The following GALNTL6 variants were observed in gnomAD, a reference collection of about 807,000 sequenced individuals.
GALNTL6 encodes polypeptide N-acetylgalactosaminyltransferase like 6.
A neutral mutation model predicts 73.7 loss-of-function variants in GALNTL6; 46 were observed. That is an observed-to-expected ratio of 0.62 (90% CI 0.49 to 0.80). The LOEUF is 0.80. Among genes scored for constraint, GALNTL6 ranks in the 30% least tolerant of loss-of-function variants. The pLI, the probability that GALNTL6 is intolerant of heterozygous loss-of-function variation, is 0.00. For missense variants in GALNTL6, 604 were observed against 755.0 expected (o/e 0.80, Z 2.34); for synonymous variants, 259 against 263.7 (o/e 0.98, Z 0.17).
chr4:171,967,304 G>A (rs545046420), intron 2 of GALNTL6, among the ~76,000 whole-genome samples: 5 of 152,270 alleles, frequency 3.3e-5, no homozygotes, highest in African/African-American at 7.2e-5. Flanking sequence ...GTAAACGATG[G>A]ATCATGGCCT....
At chr4:172,631,494 CAAT>C (rs1314164939) in intron 5 of GALNTL6, among the ~76,000 whole-genome samples, 1 of 152,146 alleles carries the variant, frequency 6.6e-6, no homozygotes, top group Non-Finnish European at 1.5e-5. Flanking sequence ...ATTTTCATTA[CAAT>C]AATATCAGTT....
intron 5 of GALNTL6, among the ~76,000 whole-genome samples, chr4:172,423,438 A>G (rs1030670142): frequency 1.3e-5 from 2 of 151,892 alleles, no homozygotes; most frequent in African/African-American, 4.8e-5. Flanking sequence ...CAGTCAGTAC[A>G]CTGGTGCCTT....
chr4:172,280,579 A>G (rs1168888184), intron 3 of GALNTL6, among the ~76,000 whole-genome samples: 2 of 151,948 alleles, frequency 1.3e-5, no homozygotes, highest in African/African-American at 2.4e-5. Context: ...TTAATTATAT[A>G]TATACTTTTA....
chr4:172,031,386 A>C (rs1221475292), intron 2 of GALNTL6, among the ~76,000 whole-genome samples: 1 of 152,158 alleles, frequency 6.6e-6, no homozygotes, highest in African/African-American at 2.4e-5. Flanking sequence ...AAGATAGAAA[A>C]AGGTTTTAGA....
intron 5 of GALNTL6, among the ~76,000 whole-genome samples, chr4:172,581,911 G>A (rs1737206549): frequency 6.6e-6 from 1 of 152,150 alleles, no homozygotes; most frequent in South Asian, 2.1e-4. Flanking sequence ...TCTGGAACTG[G>A]GAAGACTTGC....
intron 2 of GALNTL6, among the ~76,000 whole-genome samples, chr4:172,164,484 TTTAA>T (rs1459592022): frequency 6.6e-6 from 1 of 152,000 alleles, no homozygotes; most frequent in Non-Finnish European, 1.5e-5. Context: ...AATTATGGTT[TTTAA>T]TTAAAGATTT....
chr4:172,774,225 A>C (rs1387809090), intron 5 of GALNTL6, among the ~76,000 whole-genome samples: 1 of 152,200 alleles, frequency 6.6e-6, no homozygotes, highest in Non-Finnish European at 1.5e-5. Flanking sequence ...CATATGAATG[A>C]GGTGGTTTTA....
chr4:172,446,859 G>C (rs745696930), intron 5 of GALNTL6, among the ~76,000 whole-genome samples: 1 of 152,098 alleles, frequency 6.6e-6, no homozygotes, highest in Non-Finnish European at 1.5e-5. Flanking sequence ...TGCAACTGTG[G>C]ATGATATACT....
rs1737823185 is a variant in GALNTL6 at position 172,757,581 on chromosome 4, C to A, written c.554-51780C>A. ...TCTGTCTCAACTTCCAGTCTCTATT[C>A]CTATACAAAGTAGAAACATCAATTG... On this transcript the variant is annotated intron_variant, in intron 5 of 12. Coordinates refer to ENST00000506823, the MANE Select transcript of GALNTL6 (RefSeq NM_001034845.3). 2.6e-5 allele frequency among the ~76,000 whole-genome samples: 4 copies of A among 152,178 alleles called. No individual in the cohort carries two copies. The South Asian group carries it at 8.3e-4, about 31-fold the overall frequency.
chr4:172,423,682 T>C (rs1731129016), intron 5 of GALNTL6, among the ~76,000 whole-genome samples: 1 of 152,132 alleles, frequency 6.6e-6, no homozygotes, highest in Non-Finnish European at 1.5e-5. Context: ...TATAATTTTT[T>C]CCTCTACTTT....
intron 5 of GALNTL6, among the ~76,000 whole-genome samples, chr4:172,602,224 A>G (rs923627812): frequency 6.6e-6 from 1 of 152,274 alleles, no homozygotes; most frequent in South Asian, 2.1e-4. Flanking sequence ...ATTCTTTAGG[A>G]TGGGTGAAAA....
intron 7 of GALNTL6, among the ~76,000 whole-genome samples, chr4:172,828,206 A>T (rs553196621): frequency 6.8e-6 from 1 of 147,092 alleles, no homozygotes; most frequent in Admixed American, 7.0e-5. Context: ...TGGGAAGCAG[A>T]GGTTGCAGTC....
rs188579324 is a variant in GALNTL6, at chr4:172,635,973, G to A, written c.554-173388G>A. Among the ~76,000 whole-genome samples, 8 of 152,228 alleles carry A rather than the reference G, an allele frequency of 5.3e-5. No homozygotes were observed. The East Asian group carries it at 1.5e-3, about 29-fold the overall frequency. The stretch of plus-strand genomic sequence containing the variant: ...AAAAGCTATGGATTTCAGATTCCTT[G>A]AAATAAATTTTCAGTCCACCTTTCA... On this transcript the variant is annotated intron_variant, in intron 5 of 12. Coordinates refer to ENST00000506823, the MANE Select transcript of GALNTL6 (RefSeq NM_001034845.3).
chr4:172,212,824 C>T (rs904257184), intron 2 of GALNTL6, among the ~76,000 whole-genome samples: 11 of 152,070 alleles, frequency 7.2e-5, no homozygotes, highest in East Asian at 3.9e-4. Context: ...TGCACCACCA[C>T]GCCCGGCTAA....
At chr4:172,867,174 C>T (rs571977914) in intron 7 of GALNTL6, among the ~76,000 whole-genome samples, 2 of 152,260 alleles carry the variant, frequency 1.3e-5, no homozygotes, top group African/African-American at 2.4e-5. Flanking sequence ...AAAGAGGGTG[C>T]TATTAATCAT....
chr4:172,881,693 C>A (rs1412191241), intron 7 of GALNTL6, among the ~76,000 whole-genome samples: 1 of 152,114 alleles, frequency 6.6e-6, no homozygotes, highest in East Asian at 1.9e-4. Flanking sequence ...TTATAAATAT[C>A]CTTTGTTTCA....
chr4:172,098,631 G>A (rs1732424852), intron 2 of GALNTL6, among the ~76,000 whole-genome samples: 3 of 152,264 alleles, frequency 2.0e-5, no homozygotes, highest in Non-Finnish European at 2.9e-5. Context: ...TACTGTGACA[G>A]CATGGAGGGT....
chr4:172,353,927 C>T (rs2111225729), intron 5 of GALNTL6, among the ~76,000 whole-genome samples: 1 of 152,150 alleles, frequency 6.6e-6, no homozygotes, highest in African/African-American at 2.4e-5. Context: ...TTCTATTTTA[C>T]ACAAATAGTC....
intron 2 of GALNTL6, among the ~76,000 whole-genome samples, chr4:172,116,065 G>A (rs921702073): frequency 2.6e-5 from 4 of 151,924 alleles, no homozygotes; most frequent in African/African-American, 9.7e-5. Flanking sequence ...ATGAGTTGAT[G>A]TCTACCTAGA....
Sources: gnomAD v4.1 joint callset for allele counts (sites outside exome capture counted in the v4.1 genomes callset) on GRCh38, gnomAD v4.1.1 for gene constraint, MANE v1.5 for transcripts, NCBI Gene and HGNC (gene_info 2026-07-23, HGNC 2026-07-21) for gene names.